Variants in VWC2L observed in about 807,000 individuals in gnomAD.
VWC2L encodes von Willebrand factor C domain containing 2 like.
In VWC2L, 10 loss-of-function variants were observed where a neutral mutation model predicts 21.6. The ratio of observed to expected loss-of-function variants is 0.46; its 90% CI spans 0.29 to 0.78. The LOEUF (loss-of-function observed/expected upper bound fraction) is 0.78, where lower values mean the gene tolerates loss of function less well. VWC2L is among the 30% of genes least tolerant of loss of function. VWC2L has a pLI of 0.10. For synonymous variants in VWC2L, 96 were observed against 94.3 expected (o/e 1.02, Z -0.10); for missense variants, 209 against 277.1 (o/e 0.75, Z 1.74).
At chr2:214,466,124 A>T (rs1703213230) in intron 3 of VWC2L, among the ~76,000 whole-genome samples, 1 of 131,646 alleles carries the variant, frequency 7.6e-6, no homozygotes, top group South Asian at 2.2e-4. Flanking sequence ...CATTCTCATG[A>T]AGGTGCTTTT....
intron 3 of VWC2L, among the ~76,000 whole-genome samples, chr2:214,561,807 TATAC>T (rs1267235689): frequency 1.5e-5 from 2 of 137,422 alleles, no homozygotes; most frequent in African/African-American, 6.3e-5. Flanking sequence ...TATATATATA[TATAC>T]ACACACATAT....
intron 3 of VWC2L, among the ~76,000 whole-genome samples, chr2:214,550,969 T>C (rs190159817): frequency 6.6e-6 from 1 of 152,202 alleles, no homozygotes; most frequent in Admixed American, 6.5e-5. Flanking sequence ...TCTGGGCCTC[T>C]AGTTCCATTT....
At chr2:214,483,558 T>A (rs1688635151) in intron 3 of VWC2L, among the ~76,000 whole-genome samples, 1 of 152,172 alleles carries the variant, frequency 6.6e-6, no homozygotes, top group Admixed American at 6.5e-5. Flanking sequence ...CAATTATGGA[T>A]TTCAAGACCC....
intron 3 of VWC2L, among the ~76,000 whole-genome samples, chr2:214,515,113 C>T (rs750368631): frequency 5.3e-5 from 8 of 152,078 alleles, no homozygotes; most frequent in Non-Finnish European, 1.0e-4. Flanking sequence ...GATGGGAAAG[C>T]CATAAAATTA....
rs1397914221 is a variant in VWC2L at position 214,498,481 on chromosome 2, A to G, written c.520+61723A>G. 2.6e-5 allele frequency among the ~76,000 whole-genome samples: 4 copies of G among 152,016 alleles called. No homozygotes were observed. In the East Asian group the frequency reaches 7.7e-4, roughly 29 times the overall value. ...GTCTCTAGGTATGCTTGAATCCTCA[A>G]TATTTCTTTTTCTTAATATTTCTCC... is the stretch of plus-strand genomic sequence containing the variant. On this transcript the variant is annotated intron_variant, in intron 3 of 3. Transcript: ENST00000312504.
At chr2:214,475,972 A>G (rs1688510746) in intron 3 of VWC2L, among the ~76,000 whole-genome samples, 1 of 152,216 alleles carries the variant, frequency 6.6e-6, no homozygotes, top group Non-Finnish European at 1.5e-5. Flanking sequence ...TCACATGCAA[A>G]GCAGCCGCAA....
At chr2:214,494,814 G>A (rs1445147264) in intron 3 of VWC2L, among the ~76,000 whole-genome samples, 1 of 151,384 alleles carries the variant, frequency 6.6e-6, no homozygotes, top group African/African-American at 2.4e-5. Flanking sequence ...GGTGTCTTGG[G>A]TGTTTTCTTC....
chr2:214,538,577 C>T (rs1689575075), intron 3 of VWC2L, among the ~76,000 whole-genome samples: 2 of 135,798 alleles, frequency 1.5e-5, no homozygotes, highest in South Asian at 4.8e-4. Flanking sequence ...AACAGATTCT[C>T]CAAGTTTATA....
intron 3 of VWC2L, among the ~76,000 whole-genome samples, chr2:214,541,932 T>G (rs988745515): frequency 1.3e-5 from 2 of 148,156 alleles, no homozygotes; most frequent in South Asian, 2.1e-4. Flanking sequence ...TTCCCAGAGG[T>G]AAAAGTGTTG....
chr2:214,452,890 T>G (rs964918058), intron 3 of VWC2L, among the ~76,000 whole-genome samples: 1 of 152,214 alleles, frequency 6.6e-6, no homozygotes, highest in Non-Finnish European at 1.5e-5. Context: ...TCTTCTTTGG[T>G]GAAATGTCTG....
intron 3 of VWC2L, among the ~76,000 whole-genome samples, chr2:214,537,947 C>G (rs1574624767): frequency 7.2e-6 from 1 of 139,300 alleles, no homozygotes; most frequent in East Asian, 2.3e-4. Context: ...AGATTTTAAA[C>G]CAGACACTAA....
chr2:214,435,884 C>A (rs527990905), intron 2 of VWC2L, among the ~76,000 whole-genome samples: 1 of 152,164 alleles, frequency 6.6e-6, no homozygotes, highest in Non-Finnish European at 1.5e-5. Flanking sequence ...CACTCTCGGC[C>A]GGTAAGTACT....
chr2:214,544,877 G>C (rs1689681940), intron 3 of VWC2L, among the ~76,000 whole-genome samples: 1 of 152,132 alleles, frequency 6.6e-6, no homozygotes, highest in African/African-American at 2.4e-5. Context: ...GAGAAGTTAA[G>C]TAAGTTGGCA....
chr2:214,419,917 G>C (rs1251071893), intron 2 of VWC2L, among the ~76,000 whole-genome samples: 2 of 152,064 alleles, frequency 1.3e-5, no homozygotes, highest in Admixed American at 6.6e-5. Context: ...AAATTAGCTG[G>C]GTGTGGTGGC....
At chr2:214,467,999 T>C (rs1408758388) in intron 3 of VWC2L, among the ~76,000 whole-genome samples, 1 of 151,856 alleles carries the variant, frequency 6.6e-6, no homozygotes, top group African/African-American at 2.4e-5. Context: ...AGAAAATAAA[T>C]AATAATATAT....
chr2:214,526,475 G>A (rs571645560), intron 3 of VWC2L, among the ~76,000 whole-genome samples: 1 of 152,196 alleles, frequency 6.6e-6, no homozygotes, highest in South Asian at 2.1e-4. Flanking sequence ...TACAACCTGA[G>A]GTATTTAAGA....
At chr2:214,480,823 G>T (rs886143451) in intron 3 of VWC2L, among the ~76,000 whole-genome samples, 1 of 114,608 alleles carries the variant, frequency 8.7e-6, no homozygotes, top group Non-Finnish European at 1.7e-5. Flanking sequence ...AGAATAAAAG[G>T]CTGAAAAAGT....
chr2:214,440,146 A>G (rs1431594922), intron 3 of VWC2L, among the ~76,000 whole-genome samples: 1 of 151,974 alleles, frequency 6.6e-6, no homozygotes, highest in Non-Finnish European at 1.5e-5. Context: ...GTTCAGTACC[A>G]AGAACAGTCT....
chr2:214,490,231 C>T (rs1688727535), intron 3 of VWC2L, among the ~76,000 whole-genome samples: 1 of 152,160 alleles, frequency 6.6e-6, no homozygotes, highest in African/African-American at 2.4e-5. Context: ...CATCTCTCCT[C>T]TTTGGTTTCT....
Sources: gnomAD v4.1 joint callset for allele counts (sites outside exome capture counted in the v4.1 genomes callset) on GRCh38, gnomAD v4.1.1 for gene constraint, MANE v1.5 for transcripts, NCBI Gene and HGNC (gene_info 2026-07-23, HGNC 2026-07-21) for gene names.